ZDHHC24: variants seen among roughly 807,000 people sequenced by gnomAD.
The protein encoded by ZDHHC24 is zDHHC palmitoyltransferase 24.
A neutral mutation model predicts 23.2 loss-of-function variants in ZDHHC24; 17 were observed. The ratio of observed to expected loss-of-function variants is 0.73; its 90% confidence interval spans 0.50 to 1.10. The LOEUF (loss-of-function observed/expected upper bound fraction) is 1.10. Among genes scored for constraint, ZDHHC24 ranks in the 50% least tolerant of loss-of-function variants. The pLI is 0.00. For missense variants in ZDHHC24, 366 were observed against 393.0 expected (o/e 0.93, Z 0.58); for synonymous variants, 186 against 194.5 (o/e 0.96, Z 0.36).
In ZDHHC24 at chr11:66,529,123, A is replaced by G. The variant is rs1176922230; in HGVS notation, c.736+189T>C. 3.0e-6 allele frequency: 3 copies of G among 984,860 alleles called. No homozygotes were observed. The African/African-American group carries it at 5.3e-5, about 17-fold the overall frequency. The allele number at this position is 984,860 out of a possible 1,614,324, so 61.0% of individuals were successfully genotyped here. ...TTGAATGGCAGAAGCCACTTCACAC[A>G]TAAACGGAAGAGCGAAGCCAGCCTG... On this transcript the variant is annotated intron_variant, in intron 3 of 4. Transcript: ENST00000526986.
downstream of ZDHHC24, among the ~76,000 whole-genome samples, chr11:66,535,465 C>T (rs1329605914): frequency 1.3e-5 from 2 of 151,922 alleles, no homozygotes; most frequent in East Asian, 3.9e-4. Context: ...CTCAGCCTCC[C>T]AAAGTGTGGG....
chr11:66,527,101 G>A (rs1856546998), intron 3 of ZDHHC24: 2 of 1,347,776 alleles, frequency 1.5e-6, no homozygotes, highest in African/African-American at 1.4e-5. Flanking sequence ...TTTTGACTGG[G>A]CATGGTGGCT....
chr11:66,543,598 C>T (rs530782853), intron 2 of ZDHHC24, 106 bp downstream of exon 2: 85 of 1,399,730 alleles, frequency 6.1e-5, no homozygotes, highest in Middle Eastern at 2.6e-4. Context: ...GACACTGGGG[C>T]TGGGTCCCCC....
chr11:66,539,320 C>T lies in ZDHHC24; in HGVS notation c.*209G>A. 7.8e-7 allele frequency: 1 copy of T among 1,274,474 alleles called. No individual in the cohort carries two copies. The highest frequency in any genetic ancestry group is 9.9e-7 in the Non-Finnish European group (1 of 1,013,716). The allele number at this position is 1,274,474 out of a possible 1,614,324, so 78.9% of individuals were successfully genotyped here. A position where few individuals can be genotyped will look rare whatever the true frequency, so the allele number is the denominator to read the frequency against. ...GGGCAGCTAGGCGGCCTGAGCAGCC[C>T]CTGCCAGACCCTCCTCTGCACTCCT... On this transcript the variant is annotated 3_prime_UTR_variant, in exon 3 of 3. Coordinates refer to ENST00000310442, the MANE Select transcript of ZDHHC24 (RefSeq NM_207340.3).
chr11:66,529,904 G>A, intron 2 of ZDHHC24: 9 of 1,607,406 alleles, frequency 5.6e-6, no homozygotes, highest in Non-Finnish European at 7.6e-6. Flanking sequence ...AGTCCAGCCT[G>A]AGCCCCCTGT....
chr11:66,545,987 G>A lies in ZDHHC24; in HGVS notation c.17C>T (p.Ala6Val), dbSNP rs1159035169. The change falls in exon 1 of 3, where the codon GCG becomes GTG. Residue 6 changes from alanine (A) to valine (V), a missense_variant. Coordinates refer to ENST00000310442, the MANE Select transcript of ZDHHC24 (RefSeq NM_207340.3). This position sits in a 1 kb window ranked among gnomAD's most constrained non-coding sequence, Gnocchi z 4.5. ...GGGCGCCCCGTCCGTGCTCCCAGCC[G>A]CCCAGGGCTGCCCCATGGCCTGGAC... MGQPWAAGSTDGAPAQ... is the reference protein window; with the variant it reads MGQPWVAGSTDGAPAQ... 2 of 1,404,894 alleles carry A rather than the reference G, an allele frequency of 1.4e-6. No homozygotes were observed. Among genetic ancestry groups the A allele is most frequent in the African/African-American group, 3.0e-5 (2 of 65,614 alleles). 87.0% of individuals were successfully genotyped at this position (1,404,894 alleles called of 1,614,324 possible). A position where few individuals can be genotyped will look rare whatever the true frequency, so the allele number is the denominator to read the frequency against.
At chr11:66,532,299 T>C, downstream of ZDHHC24, 2 of 538,004 alleles carry the variant, frequency 3.7e-6, no homozygotes, top group Non-Finnish European at 6.7e-6. Flanking sequence ...TCCCCAGCCT[T>C]TTCCAGAAAC....
intron 2 of ZDHHC24, chr11:66,529,736 A>T: frequency 6.4e-7 from 1 of 1,557,046 alleles, no homozygotes; most frequent in Non-Finnish European, 8.8e-7. Context: ...TCCCCACACC[A>T]ACCTGAGCAG....
chr11:66,521,708 C>T (rs554900664), intron 4 of ZDHHC24: 32 of 342,534 alleles, frequency 9.3e-5, no homozygotes, highest in African/African-American at 6.4e-4. Flanking sequence ...GAGTTCAAGA[C>T]CAGCCTGGCC....
chr11:66,522,382 C>G (rs1037625558), intron 4 of ZDHHC24, among the ~76,000 whole-genome samples: 2 of 149,646 alleles, frequency 1.3e-5, no homozygotes, highest in Non-Finnish European at 3.0e-5. Flanking sequence ...GAGTCTCACT[C>G]TGTCACCCAG....
At chr11:66,529,730 C>T (rs1406039777) in intron 2 of ZDHHC24, 4 of 1,535,252 alleles carry the variant, frequency 2.6e-6, no homozygotes, top group Non-Finnish European at 3.6e-6. Flanking sequence ...GCACCCTCCC[C>T]ACACCAACCT....
Position 66,539,865 on chromosome 11 carries a change from G to A in ZDHHC24, c.560-41C>T, listed in dbSNP as rs748595592. 4.7e-6 allele frequency: 7 copies of A among 1,498,024 alleles called. No homozygotes were observed. The African/African-American group carries it at 8.4e-5, about 18-fold the overall frequency. The allele number at this position is 1,498,024 out of a possible 1,614,324, so 92.8% of individuals were successfully genotyped here. On this transcript the variant is annotated intron_variant, in intron 2 of 2. Coordinates refer to ENST00000310442, the MANE Select transcript of ZDHHC24 (RefSeq NM_207340.3). ...AGAGAGGGTCAGGGAGGGGCAGTGG[G>A]GTCCGGCTTTCCTGCCACCTGCTCC...
chr11:66,537,623 C>G lies in ZDHHC24; in HGVS notation c.*1906G>C, dbSNP rs1857010544. 1 of 143,890 alleles carries G rather than the reference C, an allele frequency of 6.9e-6. No individual in the cohort carries two copies. The highest frequency in any genetic ancestry group is 2.2e-4 in the South Asian group (1 of 4,634). The allele number at this position is 143,890 out of a possible 1,614,324, so 8.9% of individuals were successfully genotyped here. On this transcript the variant is annotated 3_prime_UTR_variant, in exon 3 of 3. Transcript: ENST00000310442. ...GGCCAAGGCGGGCAGATCACGAGGT[C>G]AGTAGATCAAGACCATCCTGGCCGG...
intron 1 of ZDHHC24, among the ~76,000 whole-genome samples, chr11:66,544,732 AG>A (rs1857259477): frequency 6.6e-6 from 1 of 152,224 alleles, no homozygotes; most frequent in East Asian, 1.9e-4. Context: ...AAAAATTTTT[AG>A]GGACAGAGTC....
downstream of ZDHHC24, among the ~76,000 whole-genome samples, chr11:66,530,655 G>A (rs980042191): frequency 5.9e-5 from 9 of 152,146 alleles, no homozygotes; most frequent in Non-Finnish European, 1.0e-4. Flanking sequence ...GGTGAGAGTC[G>A]GGGCCTGCAG....
Position 66,539,430 on chromosome 11 carries a change from T to C in ZDHHC24, c.*99A>G, listed in dbSNP as rs1479221942. 2 of 1,418,294 alleles carry C rather than the reference T, an allele frequency of 1.4e-6. No individual in the cohort carries two copies. The highest frequency in any genetic ancestry group is 1.8e-6 in the Non-Finnish European group (2 of 1,088,724). 87.9% of individuals were successfully genotyped at this position (1,418,294 alleles called of 1,614,324 possible). A position where few individuals can be genotyped will look rare whatever the true frequency, so the allele number is the denominator to read the frequency against. ...CCAAGGAAGGGGTGGAGTTGTCCAATGCAGATGTTAAGGTCCAACCCGACT... is the reference window on the plus strand; with the variant it reads ...CCAAGGAAGGGGTGGAGTTGTCCAACGCAGATGTTAAGGTCCAACCCGACT... On this transcript the variant is annotated 3_prime_UTR_variant, in exon 3 of 3. Transcript: ENST00000310442.
chr11:66,526,867 C>A, intron 4 of ZDHHC24: 1 of 1,613,938 alleles, frequency 6.2e-7, no homozygotes, highest in Non-Finnish European at 8.5e-7. Context: ...CACAGCAAAG[C>A]TGGGGGAATG....
At chr11:66,530,085 C>A (rs1340281217) in intron 2 of ZDHHC24, 16 of 1,313,736 alleles carry the variant, frequency 1.2e-5, no homozygotes, top group Non-Finnish European at 1.6e-5. Context: ...ATCACCTTCC[C>A]GCAGACCTGG....
intron 2 of ZDHHC24, chr11:66,529,525 G>A (rs1326264996): frequency 1.4e-6 from 1 of 715,746 alleles, no homozygotes. Flanking sequence ...AGAGGACCAT[G>A]GACCAGACTC....
Sources: allele counts gnomAD v4.1 joint callset (sites outside exome capture counted in the v4.1 genomes callset), GRCh38; gene constraint gnomAD v4.1.1; non-coding constraint Gnocchi (gnomAD v3.1); transcripts MANE v1.5; gene names NCBI Gene and HGNC (gene_info 2026-07-23, HGNC 2026-07-21).